LRRC37A2: variants seen among roughly 807,000 people sequenced by gnomAD.
LRRC37A2 encodes the protein leucine-rich repeat-containing protein 37A2.
LRRC37A2 carries 9 observed loss-of-function variants against 68.8 expected under a neutral mutation model. The observed-to-expected ratio is 0.13, with a 90% CI of 0.08 to 0.23. LRRC37A2 has a LOEUF of 0.23. Ranked by LOEUF, LRRC37A2 falls within the 10% of genes least tolerant of loss-of-function variation. LRRC37A2 has a pLI of 1.00. For synonymous variants in LRRC37A2, 63 were observed against 367.6 expected (o/e 0.17, Z 9.48); for missense variants, 168 against 950.4 (o/e 0.18, Z 10.82).
the LRRC37A2 span, among the ~76,000 whole-genome samples, chr17:46,879,589 CA>C: frequency 6.6e-6 from 1 of 152,346 alleles, no homozygotes; most frequent in African/African-American, 2.4e-5. Flanking sequence ...TAGGTGGGGC[CA>C]CATTACTGTG....
chr17:46,710,118 G>A, the LRRC37A2 span, among the ~76,000 whole-genome samples: 1 of 152,190 alleles, frequency 6.6e-6, no homozygotes, highest in Non-Finnish European at 1.5e-5. Flanking sequence ...TTTGAGGGAT[G>A]TGATGATCTT....
the LRRC37A2 span, chr17:46,929,641 G>A: frequency 6.8e-6 from 6 of 881,312 alleles, no homozygotes; most frequent in Admixed American, 5.1e-5. Flanking sequence ...GTGCTAATGG[G>A]CTGGGCTTCC....
the LRRC37A2 span, among the ~76,000 whole-genome samples, chr17:46,974,129 G>A: frequency 4.6e-5 from 7 of 152,258 alleles, no homozygotes; most frequent in Non-Finnish European, 1.0e-4. Context: ...GACCCCAGAA[G>A]TACTATCCCC....
the LRRC37A2 span, chr17:46,978,726 C>T: frequency 6.2e-7 from 1 of 1,612,406 alleles, no homozygotes; most frequent in Non-Finnish European, 8.5e-7. Flanking sequence ...TGCTCTCGGA[C>T]TTGATGAGCA....
At chr17:46,807,566 C>T in the LRRC37A2 span, among the ~76,000 whole-genome samples, 1 of 152,198 alleles carries the variant, frequency 6.6e-6, no homozygotes, top group African/African-American at 2.4e-5. Context: ...AGGACCAACT[C>T]CCTCCCAGAG....
chr17:46,940,439 A>G, the LRRC37A2 span: 6,274 of 1,604,664 alleles, frequency 3.9e-3, 22 homozygotes, highest in Non-Finnish European at 4.9e-3. Flanking sequence ...GGGGAGGCAC[A>G]TTGACATTTC....
the LRRC37A2 span, among the ~76,000 whole-genome samples, chr17:46,919,395 T>C: frequency 6.6e-6 from 1 of 152,128 alleles, no homozygotes. Flanking sequence ...GAGAGTGGCA[T>C]TTTCTTCTAT....
At position 46,548,857 on chromosome 17, in the gene LRRC37A2, G is replaced by C. The variant is rs1287620590; in HGVS notation, c.3718G>C (p.Glu1240Gln). 3 of 1,612,478 alleles carry C rather than the reference G, an allele frequency of 1.9e-6. No homozygotes were observed. In the Admixed American group the frequency reaches 5.0e-5, roughly 27 times the overall value. ...CTACACCAAGCCTTCCTTCACCCAA[G>C]AGCATAAGGCAGCAGTCTCTGTGCT... The change falls in exon 10 of 15, where the codon GAG (glutamate) becomes CAG (glutamine). Residue 1240 changes from glutamate (E) to glutamine (Q), a missense_variant. Transcript: ENST00000576629.
At chr17:46,492,462 A>G in the LRRC37A2 span, among the ~76,000 whole-genome samples, 4 of 150,728 alleles carry the variant, frequency 2.7e-5, no homozygotes, top group Non-Finnish European at 4.4e-5. Context: ...GCAGCTATGA[A>G]TAAAGCTGCC....
At chr17:46,789,718 C>T in the LRRC37A2 span, among the ~76,000 whole-genome samples, 7 of 152,332 alleles carry the variant, frequency 4.6e-5, no homozygotes, top group East Asian at 1.4e-3. Flanking sequence ...TGGCTGGGCA[C>T]TTTGAGGCCA....
chr17:46,923,041 C>G, the LRRC37A2 span: 1 of 671,932 alleles, frequency 1.5e-6, no homozygotes, highest in Non-Finnish European at 2.7e-6. Flanking sequence ...TCTCCGATCT[C>G]GCAACCACTG....
the LRRC37A2 span, among the ~76,000 whole-genome samples, chr17:46,970,088 G>A: frequency 6.6e-6 from 1 of 152,304 alleles, no homozygotes; most frequent in East Asian, 1.9e-4. Context: ...GAGTGGTGCT[G>A]GAGGATTAAG....
the LRRC37A2 span, among the ~76,000 whole-genome samples, chr17:46,988,532 G>A: frequency 6.6e-6 from 1 of 152,212 alleles, no homozygotes; most frequent in Non-Finnish European, 1.5e-5. Context: ...ACAAAGGCAG[G>A]GAAAGAGGAG....
the LRRC37A2 span, among the ~76,000 whole-genome samples, chr17:46,848,618 G>A: frequency 1.3e-4 from 20 of 152,380 alleles, no homozygotes; most frequent in South Asian, 2.3e-3. Flanking sequence ...AGCCCCTTGG[G>A]GATGGACACT....
At chr17:46,505,301 GTTTT>G in the LRRC37A2 span, among the ~76,000 whole-genome samples, 2 of 106,224 alleles carry the variant, frequency 1.9e-5, no homozygotes, top group East Asian at 4.4e-4. Context: ...AGGAAGTAAT[GTTTT>G]TCCAGTTTTC....
chr17:46,551,556 A>C (rs2056822017), intron 11 of LRRC37A2, among the ~76,000 whole-genome samples: 1 of 148,560 alleles, frequency 6.7e-6, no homozygotes, highest in South Asian at 2.1e-4. Flanking sequence ...GCATCTCTCA[A>C]AAGCCAACTC....
At chr17:46,953,756 T>C in the LRRC37A2 span, among the ~76,000 whole-genome samples, 4 of 152,224 alleles carry the variant, frequency 2.6e-5, no homozygotes, top group Non-Finnish European at 5.9e-5. Flanking sequence ...TGGTATCTCA[T>C]TGTGGTTTTG....
intron 8 of LRRC37A2, among the ~76,000 whole-genome samples, chr17:46,542,323 G>C (rs1323233788): frequency 6.7e-6 from 1 of 148,528 alleles, no homozygotes; most frequent in Non-Finnish European, 1.5e-5. Context: ...ACACATTTAG[G>C]TCTATGATCC....
the LRRC37A2 span, among the ~76,000 whole-genome samples, chr17:46,731,159 TA>T: frequency 4.6e-5 from 7 of 151,730 alleles, no homozygotes; most frequent in African/African-American, 7.2e-5. Context: ...TACTCAGCAA[TA>T]AAAAAAAGTA....
Sources: gnomAD v4.1 joint callset for allele counts (sites outside exome capture counted in the v4.1 genomes callset) on GRCh38, gnomAD v4.1.1 for gene constraint, MANE v1.5 for transcripts, NCBI Gene and HGNC (gene_info 2026-07-23, HGNC 2026-07-21) for gene names.